Variants in PLCB4 observed in about 807,000 individuals in gnomAD.
PLCB4 encodes phospholipase C beta 4.
PLCB4 carries 77 observed loss-of-function variants against 178.8 expected under a neutral mutation model. The ratio of observed to expected loss-of-function variants is 0.43; its 90% confidence interval spans 0.36 to 0.52. PLCB4 has a LOEUF of 0.52. PLCB4 is among the 20% of genes least tolerant of loss of function. The pLI is 0.00. For missense variants in PLCB4, 1,024 were observed against 1,453.4 expected (o/e 0.70, Z 4.80); for synonymous variants, 496 against 490.8 (o/e 1.01, Z -0.14).
chr20:9,253,600 A>G (rs1479475440), intron 3 of PLCB4, among the ~76,000 whole-genome samples: 1 of 152,132 alleles, frequency 6.6e-6, no homozygotes, highest in African/African-American at 2.4e-5. Flanking sequence ...TCAGGTGCTC[A>G]TAATTCTGCA....
intron 19 of PLCB4, among the ~76,000 whole-genome samples, chr20:9,401,142 TA>T (rs2038993566): frequency 6.6e-6 from 1 of 152,232 alleles, no homozygotes; most frequent in African/African-American, 2.4e-5. Flanking sequence ...AACACCTTTT[TA>T]TGAGTTATAG....
chr20:9,075,452 A>G (rs1328159183), intron 1 of PLCB4, among the ~76,000 whole-genome samples: 1 of 152,258 alleles, frequency 6.6e-6, no homozygotes, highest in Non-Finnish European at 1.5e-5. Flanking sequence ...AATCCGAGAT[A>G]GGGAGAGTAC....
intron 2 of PLCB4, among the ~76,000 whole-genome samples, chr20:9,099,340 A>G (rs576991051): frequency 6.6e-6 from 1 of 152,308 alleles, no homozygotes; most frequent in South Asian, 2.1e-4. Context: ...TACTAGGGGC[A>G]ATAGAGGAAC....
intron 2 of PLCB4, among the ~76,000 whole-genome samples, chr20:9,171,891 C>T (rs1449442985): frequency 6.6e-6 from 1 of 152,116 alleles, no homozygotes; most frequent in Admixed American, 6.6e-5. Flanking sequence ...AATCGATCTT[C>T]CATATTTGGC....
At chr20:9,406,639 T>G (rs1205657960) in intron 21 of PLCB4, among the ~76,000 whole-genome samples, 1 of 151,928 alleles carries the variant, frequency 6.6e-6, no homozygotes, top group East Asian at 1.9e-4. Flanking sequence ...GGACTACAGG[T>G]GCCTGCCACC....
At chr20:9,468,249 T>C (rs2043933264) in intron 35 of PLCB4, among the ~76,000 whole-genome samples, 1 of 151,924 alleles carries the variant, frequency 6.6e-6, no homozygotes, top group Non-Finnish European at 1.5e-5. Context: ...CCGTCCCTCC[T>C]TTTTCCAAAA....
At chr20:9,088,424 T>G (rs1295449272) in intron 1 of PLCB4, among the ~76,000 whole-genome samples, 1 of 152,174 alleles carries the variant, frequency 6.6e-6, no homozygotes, top group African/African-American at 2.4e-5. Flanking sequence ...TTCTCATCAT[T>G]AGAAGAATTT....
chr20:9,195,445 C>T (rs2093459856), intron 2 of PLCB4, among the ~76,000 whole-genome samples: 1 of 152,178 alleles, frequency 6.6e-6, no homozygotes, highest in African/African-American at 2.4e-5. Flanking sequence ...AAGAGATTAG[C>T]ATTTGAATTG....
chr20:9,106,353 A>C (rs1273156982), intron 2 of PLCB4, among the ~76,000 whole-genome samples: 2 of 152,032 alleles, frequency 1.3e-5, no homozygotes, highest in South Asian at 4.2e-4. Flanking sequence ...ACAAATAAAA[A>C]CAAGCAAAAA....
At chr20:9,218,141 C>T (rs1324193028) in intron 3 of PLCB4, among the ~76,000 whole-genome samples, 11 of 152,120 alleles carry the variant, frequency 7.2e-5, no homozygotes, top group Non-Finnish European at 2.9e-5. Context: ...ACGGAATTCT[C>T]GCTCTGTCAC....
intron 28 of PLCB4, among the ~76,000 whole-genome samples, chr20:9,428,731 G>C (rs1485667863): frequency 6.6e-6 from 1 of 152,006 alleles, no homozygotes; most frequent in African/African-American, 2.4e-5. Flanking sequence ...AGGGGAACGG[G>C]AGGGAACCTG....
At chr20:9,434,173 T>C (rs974031155) in intron 28 of PLCB4, among the ~76,000 whole-genome samples, 2 of 152,170 alleles carry the variant, frequency 1.3e-5, no homozygotes, top group African/African-American at 4.8e-5. Flanking sequence ...AATATGAGAA[T>C]GTTTCCCAAG....
chr20:9,156,851 C>T (rs6056434), intron 2 of PLCB4, among the ~76,000 whole-genome samples: 5 of 88,950 alleles, frequency 5.6e-5, no homozygotes, highest in Non-Finnish European at 8.9e-5. Context: ...CTCCCTCCCT[C>T]CCTTCCTTCC....
Position 9,479,956 on chromosome 20 carries a change from G to T in PLCB4, c.*947G>T, listed in dbSNP as rs1323901098. ...TAAATACTGGTTAAATAAATGTATG[G>T]CACAGAATATAATTTGACTATCAAG... On this transcript the variant is annotated 3_prime_UTR_variant, in exon 40 of 40. Transcript: ENST00000378473. The T allele has an allele frequency of 1.3e-5, 2 of 152,266 alleles. No homozygotes were observed. Among genetic ancestry groups the T allele is most frequent in the African/African-American group, 2.4e-5 (1 of 41,384 alleles). 9.4% of individuals were successfully genotyped at this position (152,266 alleles called of 1,614,324 possible). A position where few individuals can be genotyped will look rare whatever the true frequency, so the allele number is the denominator to read the frequency against.
intron 2 of PLCB4, among the ~76,000 whole-genome samples, chr20:9,192,275 T>C (rs2093414381): frequency 6.6e-6 from 1 of 152,190 alleles, no homozygotes; most frequent in South Asian, 2.1e-4. Flanking sequence ...ATCTCTGCTG[T>C]TACACCTTGT....
chr20:9,131,269 T>G (rs558492363), intron 2 of PLCB4, among the ~76,000 whole-genome samples: 1 of 152,272 alleles, frequency 6.6e-6, no homozygotes, highest in Non-Finnish European at 1.5e-5. Context: ...CCCTTTTTCC[T>G]TCCTTCCCTC....
At chr20:9,435,724 C>A in intron 29 of PLCB4, 76 bp downstream of exon 29, 2 of 845,712 alleles carry the variant, frequency 2.4e-6, no homozygotes, top group Non-Finnish European at 3.9e-6. Flanking sequence ...AAAAACAAGA[C>A]AAAGTAATGA....
intron 1 of PLCB4, among the ~76,000 whole-genome samples, chr20:9,094,406 T>G (rs2090814389): frequency 6.6e-6 from 1 of 152,194 alleles, no homozygotes; most frequent in Non-Finnish European, 1.5e-5. Flanking sequence ...AATTTTTGCC[T>G]AAAGTATTTC....
At chr20:9,143,835 C>G (rs1455819543) in intron 2 of PLCB4, among the ~76,000 whole-genome samples, 1 of 152,076 alleles carries the variant, frequency 6.6e-6, no homozygotes, top group Non-Finnish European at 1.5e-5. Flanking sequence ...TTGTGGGAAT[C>G]CTGGTGGCTA....
Sources: allele counts gnomAD v4.1 joint callset (sites outside exome capture counted in the v4.1 genomes callset), GRCh38; gene constraint gnomAD v4.1.1; transcripts MANE v1.5; gene names NCBI Gene and HGNC (gene_info 2026-07-23, HGNC 2026-07-21).